FHIP2A: variants seen among roughly 807,000 people sequenced by gnomAD.
The protein encoded by FHIP2A is family with sequence similarity 160 member B1.
In FHIP2A, 46 loss-of-function variants were observed where a neutral mutation model predicts 93.5. The ratio of observed to expected loss-of-function variants is 0.49; its 90% CI spans 0.39 to 0.63. The LOEUF (loss-of-function observed/expected upper bound fraction) is 0.63, where lower values mean the gene tolerates loss of function less well. Ranked by LOEUF, FHIP2A falls within the 20% of genes least tolerant of loss-of-function variation. The probability of loss-of-function intolerance (pLI) is 0.00; values close to 1 mark genes in which losing one functional copy is unlikely to be tolerated. For missense variants in FHIP2A, 769 were observed against 909.7 expected (o/e 0.85, Z 1.99); for synonymous variants, 332 against 326.5 (o/e 1.02, Z -0.18).
At chr10:114,823,480 AATTTT>A (rs144701203) in intron 1 of FHIP2A, among the ~76,000 whole-genome samples, 40,255 of 151,262 alleles carry the variant, frequency 0.27, 5,890 homozygotes, top group South Asian at 0.35. Context: ...AGAATCATTT[AATTTT>A]ATTTATTTAT....
Position 114,848,642 on chromosome 10 carries a change from T to C in FHIP2A, c.1713-5T>C. 13 of 1,598,642 alleles carry C rather than the reference T, an allele frequency of 8.1e-6. No individual in the cohort carries two copies. The highest frequency in any genetic ancestry group is 1.1e-5 in the Non-Finnish European group (13 of 1,167,904). ...CTTGCATAATTGTGGCCGTTTTCAT[T>C]TAAGTTTTCTCTGTCTGGTACCGGA... On this transcript the variant is annotated splice_region_variant and splice_polypyrimidine_tract_variant and intron_variant, in intron 12 of 16. Transcript: ENST00000369248.
rs2083525234 is a variant in FHIP2A, at chr10:114,821,857, CCT to C, written c.-220_-219del. 3.7e-6 allele frequency: 1 copy of C among 266,748 alleles called. No individual in the cohort carries two copies. Among genetic ancestry groups the C allele is most frequent in the East Asian group, 6.1e-5 (1 of 16,428 alleles). 16.5% of individuals were successfully genotyped at this position (266,748 alleles called of 1,614,324 possible). On this transcript the variant is annotated 5_prime_UTR_variant, in exon 1 of 17. Coordinates refer to ENST00000369248, the MANE Select transcript of FHIP2A (RefSeq NM_020940.4). Reference sequence around the variant, plus strand: ...GCCCCGAGTCCTCGCCGAACGCCCTCCTCGCCGCCCGCCGCGTCCCGGCGCCC... The same window carrying C: ...GCCCCGAGTCCTCGCCGAACGCCCTCCGCCGCCCGCCGCGTCCCGGCGCCC...
chr10:114,831,056 C>T lies in FHIP2A; in HGVS notation c.124+126C>T. 1.2e-5 allele frequency: 7 copies of T among 571,160 alleles called. No homozygotes were observed. In the South Asian group the frequency reaches 1.9e-4, roughly 15 times the overall value. The allele number at this position is 571,160 out of a possible 1,614,324, so 35.4% of individuals were successfully genotyped here. On this transcript the variant is annotated intron_variant, in intron 2 of 16. Coordinates refer to ENST00000369248, the MANE Select transcript of FHIP2A (RefSeq NM_020940.4). ...TATTTAAGTTTATAGACAATCTTAT[C>T]TTTGTCTTTAAGATTCAGTCACTCA... is the stretch of plus-strand genomic sequence containing the variant.
intron 12 of FHIP2A, among the ~76,000 whole-genome samples, 178 bp downstream of exon 12, chr10:114,847,411 C>A (rs901803778): frequency 2.0e-5 from 3 of 151,972 alleles, no homozygotes; most frequent in African/African-American, 7.3e-5. Context: ...GCCCCAGCCT[C>A]CCAAGTAGCT....
Position 114,862,314 on chromosome 10 carries a change from T to A in FHIP2A, c.*774T>A, listed in dbSNP as rs960016931. On this transcript the variant is annotated 3_prime_UTR_variant, in exon 17 of 17. Transcript: ENST00000369248. ...CCATTGGTAGTGTTTGCTAAAATTGTATTTTTTTAAGCTAAGTAACATGTA... is the reference window on the plus strand; with the variant it reads ...CCATTGGTAGTGTTTGCTAAAATTGAATTTTTTTAAGCTAAGTAACATGTA... 4.1e-6 allele frequency: 4 copies of A among 987,452 alleles called. No individual in the cohort carries two copies. The African/African-American group carries it at 5.2e-5, about 13-fold the overall frequency. The allele number at this position is 987,452 out of a possible 1,614,324, so 61.2% of individuals were successfully genotyped here.
chr10:114,856,941 T>C lies in FHIP2A; in HGVS notation c.1947+1601T>C, dbSNP rs76240121. Among the ~76,000 whole-genome samples, 920 of 152,166 alleles carry C rather than the reference T, an allele frequency of 6.0e-3. 3 individuals are homozygous for C. Among genetic ancestry groups the C allele is most frequent in the Middle Eastern group, 0.02 (6 of 294 alleles). ...GGAGCCCCGTCTGAAACCTTTTATCTTTAAAACTCTTGAGCCGGGTGCAAC... is the reference window on the plus strand; with the variant it reads ...GGAGCCCCGTCTGAAACCTTTTATCCTTAAAACTCTTGAGCCGGGTGCAAC... On this transcript the variant is annotated intron_variant, in intron 14 of 16. Coordinates refer to ENST00000369248, the MANE Select transcript of FHIP2A (RefSeq NM_020940.4).
At position 114,843,059 on chromosome 10, in the gene FHIP2A, A is replaced by C. The variant is rs763934941; in HGVS notation, c.649A>C (p.Thr217Pro). ...TCAACCAGAGGAACTATCTGGTGCT[A>C]CTGGAATGGAGCAAACAGAATTGGA... Reference protein sequence around the residue: ...SRQPEELSGATGMEQTELEDE... With the variant: ...SRQPEELSGAPGMEQTELEDE... Residue 217 changes from threonine (T) to proline (P), a missense_variant, in exon 6 of 17, where the codon ACT (threonine) becomes CCT (proline). Physicochemically the swap from Thr to Pro is conservative, Grantham distance 38. Transcript: ENST00000369248. 1.2e-6 allele frequency: 2 copies of C among 1,613,958 alleles called. No individual in the cohort carries two copies. The highest frequency in any genetic ancestry group is 8.5e-7 in the Non-Finnish European group (1 of 1,179,966).
chr10:114,863,996 T>C lies in FHIP2A; in HGVS notation c.*2456T>C. On this transcript the variant is annotated 3_prime_UTR_variant, in exon 17 of 17. Coordinates refer to ENST00000369248, the MANE Select transcript of FHIP2A (RefSeq NM_020940.4). ...AGATTTGTCTTAGCCTATTGCCATA[T>C]AGTACTCACCTTATAACTATGTAAC... 1 of 1,051,626 alleles carries C rather than the reference T, an allele frequency of 9.5e-7. No individual in the cohort carries two copies. The highest frequency in any genetic ancestry group is 1.2e-6 in the Non-Finnish European group (1 of 869,420). 65.1% of individuals were successfully genotyped at this position (1,051,626 alleles called of 1,614,324 possible).
chr10:114,855,402 C>CA, intron 14 of FHIP2A, 62 bp downstream of exon 14: 1 of 1,381,680 alleles, frequency 7.2e-7, no homozygotes, highest in Non-Finnish European at 1.0e-6. Context: ...AGAATCATCT[C>CA]AAGTCTTAGT....
At chr10:114,895,939 C>G (rs916343293) in intron 16 of FHIP2A, among the ~76,000 whole-genome samples, 1 of 152,262 alleles carries the variant, frequency 6.6e-6, no homozygotes, top group Non-Finnish European at 1.5e-5. Context: ...TCAATTTATT[C>G]TCATTACTCA....
At chr10:114,883,266 G>A (rs1347064703) in intron 16 of FHIP2A, among the ~76,000 whole-genome samples, 1 of 152,130 alleles carries the variant, frequency 6.6e-6, no homozygotes, top group African/African-American at 2.4e-5. Context: ...GCTTTCCAAG[G>A]GACTTTTGGA....
downstream of FHIP2A, among the ~76,000 whole-genome samples, chr10:114,867,206 C>G (rs1347037976): frequency 7.9e-6 from 1 of 126,228 alleles, no homozygotes; most frequent in Non-Finnish European, 1.8e-5. Flanking sequence ...GAGACTCCAT[C>G]TCAAAAAAAA....
Position 114,862,547 on chromosome 10 carries a change from A to G in FHIP2A, c.*1007A>G, listed in dbSNP as rs1426062154. The G allele has an allele frequency of 1.0e-6, 1 of 987,280 alleles. No homozygotes were observed. The highest frequency in any genetic ancestry group is 1.2e-6 in the Non-Finnish European group (1 of 829,978). 61.2% of individuals were successfully genotyped at this position (987,280 alleles called of 1,614,324 possible). A position where few individuals can be genotyped will look rare whatever the true frequency, so the allele number is the denominator to read the frequency against. On this transcript the variant is annotated 3_prime_UTR_variant, in exon 17 of 17. Transcript: ENST00000369248. ...AGTCTTTTGTTTTAAATGATTCTAA[A>G]GAGATTAAAGAAAACAGAGTTTTAA...
intron 3 of FHIP2A, among the ~76,000 whole-genome samples, chr10:114,835,265 A>G (rs1240235855): frequency 6.6e-6 from 1 of 152,240 alleles, no homozygotes; most frequent in African/African-American, 2.4e-5. Flanking sequence ...TAATCTCAAC[A>G]ACATATTATT....
chr10:114,845,694 C>T (rs993138984), intron 8 of FHIP2A, among the ~76,000 whole-genome samples: 1 of 152,030 alleles, frequency 6.6e-6, no homozygotes, highest in African/African-American at 2.4e-5. Flanking sequence ...TTTATATTTC[C>T]TTAAATATTA....
chr10:114,890,172 C>T (rs1288016927), intron 16 of FHIP2A, among the ~76,000 whole-genome samples: 13 of 152,008 alleles, frequency 8.6e-5, no homozygotes, highest in East Asian at 5.8e-4. Flanking sequence ...GGATTACAGG[C>T]GCCCACCACA....
intron 5 of FHIP2A, 22 bp from the exon 6 acceptor site, chr10:114,842,911 T>G (rs759249086): frequency 6.7e-6 from 10 of 1,483,642 alleles, no homozygotes; most frequent in Non-Finnish European, 9.2e-6. Flanking sequence ...GTGAATTTTA[T>G]AAAACATATA....
At chr10:114,884,829 G>A (rs901960411) in intron 16 of FHIP2A, among the ~76,000 whole-genome samples, 5 of 151,208 alleles carry the variant, frequency 3.3e-5, no homozygotes, top group African/African-American at 4.9e-5. Flanking sequence ...CAGGAGAATC[G>A]CTTGAACCTA....
chr10:114,847,014 C>CA (rs1343801438), intron 11 of FHIP2A, 76 bp from the exon 12 acceptor site: 1 of 1,274,476 alleles, frequency 7.8e-7, no homozygotes, highest in Non-Finnish European at 1.1e-6. Context: ...TTTCTAAGAA[C>CA]ATAGCAGAGA....
Sources: allele counts gnomAD v4.1 joint callset (sites outside exome capture counted in the v4.1 genomes callset), GRCh38; gene constraint gnomAD v4.1.1; transcripts MANE v1.5; gene names NCBI Gene and HGNC (gene_info 2026-07-23, HGNC 2026-07-21).